EMCN: variants seen among roughly 807,000 people sequenced by gnomAD.
EMCN encodes the protein endomucin, also known as MUC-14.
EMCN carries 37 observed loss-of-function variants against 38.4 expected under a neutral mutation model. That is an observed-to-expected ratio of 0.96 (90% confidence interval 0.74 to 1.27). The LOEUF (loss-of-function observed/expected upper bound fraction) is 1.27. Among genes scored for constraint, EMCN ranks in the 50% most tolerant of loss-of-function variants. EMCN has a pLI of 0.00. For synonymous variants in EMCN, 95 were observed against 100.8 expected (o/e 0.94, Z 0.35); for missense variants, 318 against 302.8 (o/e 1.05, Z -0.37).
At chr4:100,462,339 C>T (rs1423069019) in intron 4 of EMCN, among the ~76,000 whole-genome samples, 2 of 152,074 alleles carry the variant, frequency 1.3e-5, no homozygotes, top group East Asian at 3.9e-4. Flanking sequence ...TACAACAGTC[C>T]CCAGAACTGA....
intron 1 of EMCN, among the ~76,000 whole-genome samples, chr4:100,509,066 C>T (rs1270131150): frequency 6.6e-6 from 1 of 152,086 alleles, no homozygotes; most frequent in Non-Finnish European, 1.5e-5. Flanking sequence ...CAGAATTCTC[C>T]AAATTAAAGC....
chr4:100,429,824 C>G (rs1727148706), intron 5 of EMCN, among the ~76,000 whole-genome samples: 1 of 151,824 alleles, frequency 6.6e-6, no homozygotes, highest in Non-Finnish European at 1.5e-5. Context: ...ATTTTTAATC[C>G]TGTGTTTTAA....
At chr4:100,417,773 A>G (rs889992652) in intron 8 of EMCN, among the ~76,000 whole-genome samples, 2 of 152,188 alleles carry the variant, frequency 1.3e-5, no homozygotes, top group African/African-American at 4.8e-5. Flanking sequence ...AGAATGATTC[A>G]TTCTGCACAA....
chr4:100,460,542 G>C (rs12511650), intron 4 of EMCN, among the ~76,000 whole-genome samples: 59,434 of 151,952 alleles, frequency 0.39, 12,495 homozygotes, highest in East Asian at 0.77. Flanking sequence ...GCAGGCAAGA[G>C]AGCTTGTGCA....
At chr4:100,437,232 C>A (rs1307675826) in intron 5 of EMCN, among the ~76,000 whole-genome samples, 2 of 152,138 alleles carry the variant, frequency 1.3e-5, no homozygotes, top group African/African-American at 4.8e-5. Context: ...TCTTCTTTCA[C>A]AAAATGTCTA....
At chr4:100,513,104 G>T (rs2110312992) in intron 1 of EMCN, among the ~76,000 whole-genome samples, 1 of 152,166 alleles carries the variant, frequency 6.6e-6, no homozygotes, top group East Asian at 1.9e-4. Flanking sequence ...AGATAAAATT[G>T]CCAGAGAATT....
intron 5 of EMCN, among the ~76,000 whole-genome samples, chr4:100,428,833 A>C (rs1379665357): frequency 6.6e-6 from 1 of 152,168 alleles, no homozygotes; most frequent in Non-Finnish European, 1.5e-5. Context: ...ACAGAGTATG[A>C]GAGGTAGCTG....
In EMCN at chr4:100,498,522, G is replaced by A. The variant is rs1027231599; in HGVS notation, c.65-18483C>T. 8.0e-4 allele frequency among the ~76,000 whole-genome samples: 121 copies of A among 150,778 alleles called. 2 individuals carry two copies. The highest frequency in any genetic ancestry group is 2.8e-4 in the Non-Finnish European group (19 of 67,798). Reference sequence around the variant, plus strand: ...TTTTTTTTAGACGGAGTCTCGCTCTGTCACCCAGGAGTGCAGTGGCACAAT... The same window carrying A: ...TTTTTTTTAGACGGAGTCTCGCTCTATCACCCAGGAGTGCAGTGGCACAAT... On this transcript the variant is annotated intron_variant, in intron 1 of 11. Transcript: ENST00000296420.
intron 10 of EMCN, among the ~76,000 whole-genome samples, chr4:100,414,348 CTTT>C (rs5860622): frequency 1.3e-4 from 8 of 59,792 alleles, no homozygotes; most frequent in African/African-American, 4.7e-4. Flanking sequence ...TGCTTGAGCA[CTTT>C]TTTTTTTTTT....
chr4:100,447,858 G>A (rs923504982), intron 4 of EMCN, among the ~76,000 whole-genome samples: 1 of 152,058 alleles, frequency 6.6e-6, no homozygotes, highest in African/African-American at 2.4e-5. Flanking sequence ...AGAGAAAGCA[G>A]CCATACACAG....
chr4:100,517,753 CTAAG>C, intron 1 of EMCN, 94 bp downstream of exon 1: 1 of 1,089,196 alleles, frequency 9.2e-7, no homozygotes, highest in Non-Finnish European at 1.4e-6. Flanking sequence ...ATTGCTGCAT[CTAAG>C]TGTCAGGGGA....
At chr4:100,445,073 G>T (rs1459812945) in intron 5 of EMCN, among the ~76,000 whole-genome samples, 1 of 152,132 alleles carries the variant, frequency 6.6e-6, no homozygotes, top group Non-Finnish European at 1.5e-5. Context: ...GTTTCCTCCT[G>T]TTTCCTATGT....
intron 1 of EMCN, among the ~76,000 whole-genome samples, chr4:100,488,039 G>A (rs1215840261): frequency 6.6e-6 from 1 of 152,098 alleles, no homozygotes; most frequent in Non-Finnish European, 1.5e-5. Flanking sequence ...CACATGAAAT[G>A]GCATGATGGA....
At chr4:100,504,551 A>T (rs1437066480) in intron 1 of EMCN, among the ~76,000 whole-genome samples, 1 of 151,076 alleles carries the variant, frequency 6.6e-6, no homozygotes, top group Non-Finnish European at 1.5e-5. Flanking sequence ...TATAATCATA[A>T]CCTAGGGAAA....
intron 1 of EMCN, among the ~76,000 whole-genome samples, chr4:100,484,620 G>A (rs943076057): frequency 2.0e-5 from 3 of 151,918 alleles, no homozygotes; most frequent in African/African-American, 4.8e-5. Flanking sequence ...TTGGGACGGC[G>A]GATCACCTCT....
intron 5 of EMCN, chr4:100,445,963 A>G: frequency 1.5e-6 from 1 of 650,142 alleles, no homozygotes; most frequent in Non-Finnish European, 1.9e-6. Context: ...AAAAATAAAA[A>G]TAGCCTAAAT....
intron 5 of EMCN, among the ~76,000 whole-genome samples, chr4:100,433,173 C>A (rs2110229061): frequency 6.6e-6 from 1 of 152,248 alleles, no homozygotes; most frequent in Non-Finnish European, 1.5e-5. Flanking sequence ...CTCTGTATAT[C>A]TGAATTTTTC....
chr4:100,495,636 T>C (rs575332364), intron 1 of EMCN, among the ~76,000 whole-genome samples: 1 of 152,216 alleles, frequency 6.6e-6, no homozygotes, highest in African/African-American at 2.4e-5. Context: ...TAATCTCATA[T>C]TATGATCAAT....
chr4:100,438,603 G>C (rs186969141), intron 5 of EMCN, among the ~76,000 whole-genome samples: 1 of 151,940 alleles, frequency 6.6e-6, no homozygotes, highest in African/African-American at 2.4e-5. Context: ...GCTCGTGCTA[G>C]TACTTCTGGT....
Sources: gnomAD v4.1 joint callset for allele counts (sites outside exome capture counted in the v4.1 genomes callset) on GRCh38, gnomAD v4.1.1 for gene constraint, MANE v1.5 for transcripts, NCBI Gene and HGNC (gene_info 2026-07-23, HGNC 2026-07-21) for gene names.